Variants in CNTN3 observed in about 807,000 individuals in gnomAD.
The protein encoded by CNTN3 is contactin-3.
In CNTN3, 60 loss-of-function variants were observed where a neutral mutation model predicts 119.1. That is an observed-to-expected ratio of 0.50 (90% CI 0.41 to 0.62). The LOEUF is 0.62. Among genes scored for constraint, CNTN3 ranks in the 20% least tolerant of loss-of-function variants. The probability of loss-of-function intolerance (pLI) is 0.00; values close to 1 mark genes in which losing one functional copy is unlikely to be tolerated. For missense variants in CNTN3, 1,101 were observed against 1,242.4 expected, an observed-to-expected ratio of 0.89 and a Z score of 1.71; for synonymous variants, 450 against 438.7, an observed-to-expected ratio of 1.03 and a Z score of -0.32.
intron 2 of CNTN3, among the ~76,000 whole-genome samples, chr3:74,519,890 G>A (rs969543184): frequency 6.6e-6 from 1 of 151,498 alleles, no homozygotes; most frequent in Admixed American, 6.6e-5. Flanking sequence ...AAAAGTTAAA[G>A]ATTTTAATCT....
intron 7 of CNTN3, among the ~76,000 whole-genome samples, chr3:74,369,676 C>T (rs72894351): frequency 4.7e-5 from 7 of 149,964 alleles, no homozygotes; most frequent in Non-Finnish European, 8.9e-5. Flanking sequence ...TTATGAAATT[C>T]GGCAGGCAGA....
intron 11 of CNTN3, among the ~76,000 whole-genome samples, chr3:74,343,894 T>C (rs1703610429): frequency 6.6e-6 from 1 of 151,110 alleles, no homozygotes; most frequent in Non-Finnish European, 1.5e-5. Context: ...GAGAAAATGT[T>C]CTAAGCTATG....
intron 2 of CNTN3, among the ~76,000 whole-genome samples, chr3:74,508,826 C>A (rs1703312579): frequency 6.6e-6 from 1 of 152,172 alleles, no homozygotes; most frequent in East Asian, 1.9e-4. Context: ...GCCACCAGTG[C>A]CCCAGATTAT....
At chr3:74,505,796 C>T (rs1252084118) in intron 2 of CNTN3, among the ~76,000 whole-genome samples, 4 of 152,104 alleles carry the variant, frequency 2.6e-5, no homozygotes, top group African/African-American at 9.7e-5. Context: ...GAAATGTTAG[C>T]AAGCAATTAA....
chr3:74,430,472 G>C (rs1701765064), intron 4 of CNTN3, among the ~76,000 whole-genome samples: 2 of 152,136 alleles, frequency 1.3e-5, no homozygotes, highest in Non-Finnish European at 2.9e-5. Flanking sequence ...GCTGGGCATG[G>C]TGTTTTACAA....
At chr3:74,458,810 G>T (rs748516252) in intron 4 of CNTN3, among the ~76,000 whole-genome samples, 1 of 151,934 alleles carries the variant, frequency 6.6e-6, no homozygotes, top group African/African-American at 2.4e-5. Flanking sequence ...TACACTAAAT[G>T]GTGTGAATGT....
intron 12 of CNTN3, 111 bp downstream of exon 12, chr3:74,336,420 G>A (rs953055225): frequency 8.6e-7 from 1 of 1,157,108 alleles, no homozygotes; most frequent in African/African-American, 1.6e-5. Context: ...GCAAATACAG[G>A]TTCTACCTTC....
intron 16 of CNTN3, 113 bp downstream of exon 16, chr3:74,301,285 C>G (rs761656457): frequency 8.1e-6 from 9 of 1,113,490 alleles, no homozygotes; most frequent in Admixed American, 2.2e-5. Context: ...GGTTAGATAA[C>G]TGCAACAATG....
In CNTN3 at chr3:74,482,760, C is replaced by T. The variant is rs374534819; in HGVS notation, c.358+3696G>A. On this transcript the variant is annotated intron_variant, in intron 4 of 22. Transcript: ENST00000263665. ...TTTTCAATGACAGCACTTGAACATCCATTTGCCTGCAGCAAAGACAGTTAA... is the reference window on the plus strand; with the variant it reads ...TTTTCAATGACAGCACTTGAACATCTATTTGCCTGCAGCAAAGACAGTTAA... Among the ~76,000 whole-genome samples, 10 of 152,208 alleles carry T rather than the reference C, an allele frequency of 6.6e-5. No homozygotes were observed. In the East Asian group the frequency reaches 1.4e-3, roughly 21 times the overall value.
intron 1 of CNTN3, among the ~76,000 whole-genome samples, chr3:74,559,091 C>T (rs1053809596): frequency 1.9e-4 from 29 of 151,724 alleles, no homozygotes; most frequent in African/African-American, 5.8e-4. Context: ...TAAAGATTAG[C>T]TATTATTAGT....
At chr3:74,331,899 TA>T (rs1205333201) in intron 13 of CNTN3, among the ~76,000 whole-genome samples, 1 of 152,222 alleles carries the variant, frequency 6.6e-6, no homozygotes, top group Non-Finnish European at 1.5e-5. Context: ...AGATCTGGTT[TA>T]AATTATTGGA....
At chr3:74,573,199 G>T (rs1259654164) in intron 1 of CNTN3, among the ~76,000 whole-genome samples, 1 of 152,008 alleles carries the variant, frequency 6.6e-6, no homozygotes, top group Non-Finnish European at 1.5e-5. Context: ...AGGCCTAAAT[G>T]ATCTAGGACA....
intron 5 of CNTN3, among the ~76,000 whole-genome samples, chr3:74,382,830 G>A (rs1428846807): frequency 6.6e-6 from 1 of 152,184 alleles, no homozygotes; most frequent in African/African-American, 2.4e-5. Context: ...CAATGAAAAT[G>A]GGAGTGCAGA....
At chr3:74,552,527 AATTTGAAATTTTCTCTGGCATATG>A (rs1356932985) in intron 1 of CNTN3, among the ~76,000 whole-genome samples, 9 of 152,128 alleles carry the variant, frequency 5.9e-5, no homozygotes, top group African/African-American at 2.2e-4. Flanking sequence ...CTGCTGTTTT[AATTTGAAATTTTCTCTGGCATATG>A]ATGCTGAGCA....
At chr3:74,273,408 C>T (rs1180552183) in intron 20 of CNTN3, among the ~76,000 whole-genome samples, 1 of 152,150 alleles carries the variant, frequency 6.6e-6, no homozygotes, top group Non-Finnish European at 1.5e-5. Context: ...AACAGGAAAC[C>T]TGAGAGGACC....
chr3:74,461,376 G>C (rs1261533322), intron 4 of CNTN3, among the ~76,000 whole-genome samples: 1 of 151,962 alleles, frequency 6.6e-6, no homozygotes, highest in Non-Finnish European at 1.5e-5. Flanking sequence ...ATATAAAATA[G>C]GTTAATTGCA....
At position 74,475,055 on chromosome 3, in the gene CNTN3, C is replaced by A. The variant is rs140658075; in HGVS notation, c.358+11401G>T. Among the ~76,000 whole-genome samples the A allele has an allele frequency of 4.3e-4, 66 of 152,226 alleles. 1 individual carries two copies. The highest frequency in any genetic ancestry group is 1.5e-3 in the African/African-American group (64 of 41,540). On this transcript the variant is annotated intron_variant, in intron 4 of 22. Coordinates refer to ENST00000263665, the MANE Select transcript of CNTN3 (RefSeq NM_020872.3). Reference sequence around the variant, plus strand: ...CCATAAGCCAATCAGAACTTTTTTACTTATAAATTACCCAGTCTCAGGTAT... The same window carrying A: ...CCATAAGCCAATCAGAACTTTTTTAATTATAAATTACCCAGTCTCAGGTAT...
chr3:74,540,782 CA>C (rs765809339), intron 1 of CNTN3, among the ~76,000 whole-genome samples: 2 of 151,972 alleles, frequency 1.3e-5, no homozygotes, highest in African/African-American at 2.4e-5. Context: ...AACAAGTATG[CA>C]AAAAATAAAT....
chr3:74,575,849 T>C (rs973612437), intron 1 of CNTN3, among the ~76,000 whole-genome samples: 3 of 152,154 alleles, frequency 2.0e-5, no homozygotes, highest in East Asian at 1.9e-4. Context: ...ACGTGGTTCC[T>C]TGGAATCTAG....
Sources: allele counts gnomAD v4.1 joint callset (sites outside exome capture counted in the v4.1 genomes callset), GRCh38; gene constraint gnomAD v4.1.1; transcripts MANE v1.5; gene names NCBI Gene and HGNC (gene_info 2026-07-23, HGNC 2026-07-21).